DENND2A: variants seen among roughly 807,000 people sequenced by gnomAD.
DENND2A encodes the protein DENN domain containing 2A.
Under a neutral mutation model 105.3 loss-of-function variants are expected in DENND2A, and 53 were observed. The ratio of observed to expected loss-of-function variants is 0.50; its 90% CI spans 0.40 to 0.63. The LOEUF (loss-of-function observed/expected upper bound fraction) is 0.63, where lower values mean the gene tolerates loss of function less well. DENND2A is among the 30% of genes least tolerant of loss of function. The probability of loss-of-function intolerance (pLI) is 0.00; values close to 1 mark genes in which losing one functional copy is unlikely to be tolerated. For missense variants in DENND2A, 1,138 were observed against 1,279.6 expected (o/e 0.89, Z 1.69); for synonymous variants, 522 against 508.4 (o/e 1.03, Z -0.36).
rs558219054 is a variant in DENND2A, at chr7:140,546,060, CCTT to C, written c.2178+736_2178+738del. Among the ~76,000 whole-genome samples the C allele has an allele frequency of 1.9e-3, 287 of 152,220 alleles. 1 individual carries two copies. The highest frequency in any genetic ancestry group is 6.7e-3 in the African/African-American group (278 of 41,544). On this transcript the variant is annotated intron_variant, in intron 13 of 19. Coordinates refer to ENST00000496613, the MANE Select transcript of DENND2A (RefSeq NM_015689.5). ...CTGAAGACTCAAGGCTAAATGGGGTCCTTCTTCTGATGTCCACCAAGCCATGCA... is the reference window on the plus strand; with the variant it reads ...CTGAAGACTCAAGGCTAAATGGGGTCCTTCTGATGTCCACCAAGCCATGCA...
chr7:140,633,245 G>C (rs182320669), intron 1 of DENND2A, among the ~76,000 whole-genome samples: 5 of 151,876 alleles, frequency 3.3e-5, no homozygotes, highest in African/African-American at 1.2e-4. Context: ...AGCCAGGATG[G>C]TCTCCATCTC....
Position 140,527,483 on chromosome 7 carries a change from C to T in DENND2A, c.2340G>A (p.Lys780=). ...TCAGCGCCACCATCGCGTGGCAGCA[C>T]TTGGACAGGATGCTGCAGCCGGGGA... ...FIADKLSILS[K]CCHAMVALIY... is the part of the protein sequence containing the mutation. The change falls in exon 15 of 20, where the codon AAG becomes AAA. Residue 780 remains lysine, a synonymous_variant. Transcript: ENST00000496613. The surrounding 1 kb of genome is among the most constrained non-coding windows in gnomAD (Gnocchi z 4.9). 1 of 1,602,844 alleles carries T rather than the reference C, an allele frequency of 6.2e-7. No homozygotes were observed. Among genetic ancestry groups the T allele is most frequent in the East Asian group, 2.2e-5 (1 of 44,518 alleles).
At chr7:140,632,688 C>A (rs1242779617) in intron 1 of DENND2A, among the ~76,000 whole-genome samples, 1 of 151,708 alleles carries the variant, frequency 6.6e-6, no homozygotes, top group Non-Finnish European at 1.5e-5. Flanking sequence ...CCTGCCTCAG[C>A]CTCCTGAGTA....
Position 140,601,660 on chromosome 7 carries a change from G to A in DENND2A, c.738C>T (p.Ser246=). 3 of 1,613,044 alleles carry A rather than the reference G, an allele frequency of 1.9e-6. No homozygotes were observed. Among genetic ancestry groups the A allele is most frequent in the Non-Finnish European group, 2.5e-6 (3 of 1,179,222 alleles). Residue 246 remains serine, a synonymous_variant, in exon 3 of 20, where the codon AGC becomes AGT. Transcript: ENST00000496613. The part of the protein sequence containing the change: ...KGSCRRPWDR[S]LENVYRGSEG... Reference sequence around the variant, plus strand: ...CCGAGCCCCTATACACGTTCTCAAGGCTCCGGTCCCAGGGCCTTCTGCATG... The same window carrying A: ...CCGAGCCCCTATACACGTTCTCAAGACTCCGGTCCCAGGGCCTTCTGCATG...
rs187374896 is a variant in DENND2A, at chr7:140,608,904, G to A, written c.-247-3098C>T. On this transcript the variant is annotated intron_variant, in intron 1 of 19. Transcript: ENST00000496613. Reference sequence around the variant, plus strand: ...GGGCACCTCTTCGATGTACCAAGACGTACCAAAGCCAACAGTCTGAGGGCT... The same window carrying A: ...GGGCACCTCTTCGATGTACCAAGACATACCAAAGCCAACAGTCTGAGGGCT... 7.9e-5 allele frequency among the ~76,000 whole-genome samples: 12 copies of A among 152,188 alleles called. No homozygotes were observed. In the East Asian group the frequency reaches 1.2e-3, roughly 15 times the overall value.
intron 9 of DENND2A, among the ~76,000 whole-genome samples, chr7:140,562,410 C>CTGAGCCTGTAAGTGGCT (rs1477215243): frequency 1.3e-5 from 2 of 152,028 alleles, no homozygotes; most frequent in Non-Finnish European, 2.9e-5. Flanking sequence ...GCCTGTAATC[C>CTGAGCCTGTAAGTGGCT]CAGCACTTTG....
intron 1 of DENND2A, among the ~76,000 whole-genome samples, chr7:140,629,163 T>C (rs1454441379): frequency 6.6e-6 from 1 of 152,140 alleles, no homozygotes; most frequent in South Asian, 2.1e-4. Context: ...AACAGAATGG[T>C]GTCTAGGGTG....
chr7:140,603,837 G>A (rs1243970904), intron 2 of DENND2A, among the ~76,000 whole-genome samples: 1 of 152,184 alleles, frequency 6.6e-6, no homozygotes, highest in African/African-American at 2.4e-5. Context: ...GCGCCATGTG[G>A]CTGATGGCTA....
At chr7:140,594,447 C>G (rs1799200450) in intron 3 of DENND2A, among the ~76,000 whole-genome samples, 1 of 152,148 alleles carries the variant, frequency 6.6e-6, no homozygotes, top group Non-Finnish European at 1.5e-5. Context: ...AACGTCCACT[C>G]CCCACCCTCC....
At chr7:140,619,493 C>T (rs994292942) in intron 1 of DENND2A, among the ~76,000 whole-genome samples, 1 of 150,690 alleles carries the variant, frequency 6.6e-6, no homozygotes, top group Non-Finnish European at 1.5e-5. Context: ...ACACTAAAAA[C>T]TCTGCACTTT....
intron 13 of DENND2A, chr7:140,544,976 C>G: frequency 1.7e-6 from 1 of 597,138 alleles, no homozygotes; most frequent in Non-Finnish European, 2.1e-6. Context: ...GGTAGGGAAG[C>G]AAGCGTCTCA....
chr7:140,560,861 G>C (rs1006554000), intron 9 of DENND2A, among the ~76,000 whole-genome samples: 1 of 152,028 alleles, frequency 6.6e-6, no homozygotes, highest in African/African-American at 2.4e-5. Flanking sequence ...TTGAACCCAG[G>C]AGGTGGAGGT....
intron 14 of DENND2A, among the ~76,000 whole-genome samples, chr7:140,536,471 C>T (rs1223702088): frequency 1.3e-5 from 2 of 151,960 alleles, no homozygotes; most frequent in Non-Finnish European, 2.9e-5. Context: ...GGGAGGGATT[C>T]GACTCCAAGA....
intron 3 of DENND2A, among the ~76,000 whole-genome samples, chr7:140,599,129 G>A (rs1422794479): frequency 6.6e-6 from 1 of 151,984 alleles, no homozygotes; most frequent in African/African-American, 2.4e-5. Context: ...TTGAGGTCAG[G>A]GGTTCGAGAC....
At chr7:140,526,364 C>T (rs777961025) in intron 15 of DENND2A, among the ~76,000 whole-genome samples, 4 of 152,216 alleles carry the variant, frequency 2.6e-5, no homozygotes, top group Non-Finnish European at 5.9e-5. Flanking sequence ...GTGCCTGAGG[C>T]GCAAAGGTCC....
At chr7:140,633,382 C>T (rs931334683) in intron 1 of DENND2A, among the ~76,000 whole-genome samples, 27 of 152,114 alleles carry the variant, frequency 1.8e-4, no homozygotes, top group Admixed American at 7.9e-4. Context: ...CTCAAACTCC[C>T]GACCTCAAGT....
At chr7:140,537,048 T>C (rs1422688555) in intron 14 of DENND2A, among the ~76,000 whole-genome samples, 1 of 152,226 alleles carries the variant, frequency 6.6e-6, no homozygotes, top group Admixed American at 6.5e-5. Flanking sequence ...TAGCTAGACC[T>C]CTGAAGTATC....
chr7:140,568,502 G>T (rs886655861), intron 8 of DENND2A, among the ~76,000 whole-genome samples: 4 of 152,170 alleles, frequency 2.6e-5, no homozygotes, highest in Non-Finnish European at 4.4e-5. Context: ...AAACCCTCAG[G>T]ACATAGGGAG....
At chr7:140,590,156 G>A (rs1232801329) in intron 3 of DENND2A, among the ~76,000 whole-genome samples, 12 of 152,106 alleles carry the variant, frequency 7.9e-5, no homozygotes, top group African/African-American at 2.7e-4. Context: ...TTGGGAGGCC[G>A]AGGCGGGCGG....
Sources: allele counts gnomAD v4.1 joint callset (sites outside exome capture counted in the v4.1 genomes callset), GRCh38; gene constraint gnomAD v4.1.1; non-coding constraint Gnocchi (gnomAD v3.1); transcripts MANE v1.5; gene names NCBI Gene and HGNC (gene_info 2026-07-23, HGNC 2026-07-21).